MYH10: variants seen among roughly 807,000 people sequenced by gnomAD.
The protein encoded by MYH10 is myosin-10.
Under a neutral mutation model 257.8 loss-of-function variants are expected in MYH10, and 55 were observed. The observed-to-expected ratio is 0.21, with a 90% CI of 0.17 to 0.27. The LOEUF is 0.27. Ranked by LOEUF, MYH10 falls within the 10% of genes least tolerant of loss-of-function variation. The pLI is 1.00. For synonymous variants in MYH10, 854 were observed against 921.7 expected (o/e 0.93, Z 1.33); for missense variants, 1,631 against 2,500.6 (o/e 0.65, Z 7.42).
intron 9 of MYH10, among the ~76,000 whole-genome samples, chr17:8,551,010 C>CCAAGG (rs2082623446): frequency 6.6e-6 from 1 of 151,150 alleles, no homozygotes; most frequent in Non-Finnish European, 1.5e-5. Context: ...CTGCGGAAGG[C>CCAAGG]CGCAGGGTCC....
At chr17:8,622,153 T>C (rs190166886) in intron 2 of MYH10, among the ~76,000 whole-genome samples, 1 of 152,340 alleles carries the variant, frequency 6.6e-6, no homozygotes, top group East Asian at 1.9e-4. Flanking sequence ...TCATCGTCAG[T>C]TTAAGTCCCA....
intron 3 of MYH10, among the ~76,000 whole-genome samples, chr17:8,591,653 C>T (rs1263444992): frequency 6.6e-6 from 1 of 152,020 alleles, no homozygotes; most frequent in Non-Finnish European, 1.5e-5. Flanking sequence ...CGAATTGCCT[C>T]CTAATTCATT....
At chr17:8,514,796 C>T (rs762074388) in intron 21 of MYH10, among the ~76,000 whole-genome samples, 57 of 152,200 alleles carry the variant, frequency 3.7e-4, no homozygotes, top group Middle Eastern at 3.2e-3. Flanking sequence ...TATCCCACCA[C>T]GCTACCGAAG....
At chr17:8,589,400 C>T (rs2084035482) in intron 3 of MYH10, among the ~76,000 whole-genome samples, 1 of 152,162 alleles carries the variant, frequency 6.6e-6, no homozygotes, top group Non-Finnish European at 1.5e-5. Context: ...TTCTCAAACC[C>T]TGCCGCATAC....
Position 8,552,283 on chromosome 17 carries a change from T to C in MYH10, c.821-139A>G. On this transcript the variant is annotated intron_variant, in intron 8 of 42. Coordinates refer to ENST00000360416, the MANE Select transcript of MYH10 (RefSeq NM_001256012.3). The surrounding 1 kb of genome is among the most constrained non-coding windows in gnomAD (Gnocchi z 4.8). ...ATATAAACTATCCTGCAATGAACTA[T>C]TCTAAATGACTGTCTTCCATCTGTG... 2.4e-6 allele frequency: 1 copy of C among 418,222 alleles called. No homozygotes were observed. Among genetic ancestry groups the C allele is most frequent in the Non-Finnish European group, 4.2e-6 (1 of 240,320 alleles). The allele number at this position is 418,222 out of a possible 1,614,324, so 25.9% of individuals were successfully genotyped here. A position where few individuals can be genotyped will look rare whatever the true frequency, so the allele number is the denominator to read the frequency against.
At chr17:8,606,314 C>T (rs1035674702) in intron 2 of MYH10, among the ~76,000 whole-genome samples, 1 of 152,200 alleles carries the variant, frequency 6.6e-6, no homozygotes, top group African/African-American at 2.4e-5. Flanking sequence ...AAAACAAGAG[C>T]AGTCAGAACC....
chr17:8,499,789 G>A (rs1462635123), intron 29 of MYH10, among the ~76,000 whole-genome samples: 2 of 152,190 alleles, frequency 1.3e-5, no homozygotes, highest in Non-Finnish European at 2.9e-5. Flanking sequence ...GTATAAAAAA[G>A]TGTTGTTAGT....
At chr17:8,548,259 A>G (rs2082508064) in intron 11 of MYH10, 54 bp downstream of exon 11, 2 of 1,403,720 alleles carry the variant, frequency 1.4e-6, no homozygotes, top group Non-Finnish European at 2.0e-6. Context: ...ACACCTTCTT[A>G]GAGAGCACAA....
chr17:8,538,909 T>G (rs1048318013), intron 14 of MYH10, among the ~76,000 whole-genome samples: 2 of 152,170 alleles, frequency 1.3e-5, no homozygotes, highest in Non-Finnish European at 2.9e-5. Context: ...TGTTGAGAGA[T>G]AAGACCTTTG....
chr17:8,492,530 G>C (rs916894791), intron 33 of MYH10, 21 bp from the exon 34 acceptor site: 1 of 1,589,098 alleles, frequency 6.3e-7, no homozygotes, highest in Non-Finnish European at 8.6e-7. Flanking sequence ...GGGGATGGGG[G>C]AATACGAAAA....
intron 4 of MYH10, among the ~76,000 whole-genome samples, chr17:8,588,641 A>T (rs4486969): frequency 6.6e-6 from 1 of 151,882 alleles, no homozygotes. Flanking sequence ...CTCTTCCTCC[A>T]CTCCATTTTC....
At chr17:8,600,807 C>T (rs2152070080) in intron 3 of MYH10, among the ~76,000 whole-genome samples, 1 of 152,196 alleles carries the variant, frequency 6.6e-6, no homozygotes, top group Non-Finnish European at 1.5e-5. Context: ...CCCTATCTCC[C>T]AGTGCATAGG....
chr17:8,480,647 T>G (rs1157981127), intron 38 of MYH10, 122 bp from the exon 39 acceptor site: 4 of 1,345,984 alleles, frequency 3.0e-6, no homozygotes, highest in Non-Finnish European at 4.1e-6. Context: ...AATTTTCTCT[T>G]TCCCCTGCAC....
chr17:8,537,378 A>G (rs2082172177), intron 14 of MYH10, among the ~76,000 whole-genome samples: 1 of 152,226 alleles, frequency 6.6e-6, no homozygotes, highest in South Asian at 2.1e-4. Context: ...AATATAAATG[A>G]AACAGTGTAA....
intron 3 of MYH10, among the ~76,000 whole-genome samples, chr17:8,604,109 T>C (rs905831823): frequency 6.6e-6 from 1 of 152,186 alleles, no homozygotes; most frequent in African/African-American, 2.4e-5. Flanking sequence ...TTATGCTTTT[T>C]ATTAAAACTT....
Position 8,506,359 on chromosome 17 carries a change from C to A in MYH10, c.3345G>T (p.Gln1115His). Residue 1115 changes from glutamine to histidine, a missense_variant, in exon 27 of 43, where the codon CAG (glutamine) becomes CAT (histidine). Around this residue, in one of 11 missense-constraint regions of MYH10, gnomAD observed 169 missense variants for 249.8 expected, o/e 0.68. Transcript: ENST00000360416. The surrounding 1 kb of genome is among the most constrained non-coding windows in gnomAD (Gnocchi z 5.0). ...LQAQIDELKL[Q>H]LAKKEEELQG... ...GCAGCTCCTCCTCCTTCTTGGCCAGCTGCAGCTTGAGCTCATCAATCTGCG... is the reference window on the plus strand; with the variant it reads ...GCAGCTCCTCCTCCTTCTTGGCCAGATGCAGCTTGAGCTCATCAATCTGCG... 1 of 1,607,734 alleles carries A rather than the reference C, an allele frequency of 6.2e-7. No homozygotes were observed. The highest frequency in any genetic ancestry group is 2.2e-5 in the East Asian group (1 of 44,658).
chr17:8,623,482 G>C (rs748647410), intron 1 of MYH10: 4 of 338,006 alleles, frequency 1.2e-5, no homozygotes, highest in Non-Finnish European at 2.1e-5. Context: ...TTGTCTGATG[G>C]GTTTGCCCTC....
chr17:8,579,799 T>C lies in MYH10; in HGVS notation c.531-2461A>G, dbSNP rs111709308. On this transcript the variant is annotated intron_variant, in intron 4 of 42. Transcript: ENST00000360416. ...CATCTGTATTATTAAATCCATCTGT[T>C]GTTTTCTTTTACAAGTTTGATAGCT... Among the ~76,000 whole-genome samples, 553 of 152,320 alleles carry C rather than the reference T, an allele frequency of 3.6e-3. 6 individuals carry two copies. The highest frequency in any genetic ancestry group is 0.012 in the African/African-American group (487 of 41,562).
intron 36 of MYH10, among the ~76,000 whole-genome samples, chr17:8,486,943 C>T (rs781758230): frequency 3.3e-5 from 5 of 152,166 alleles, no homozygotes; most frequent in African/African-American, 9.7e-5. Context: ...TCATCATTAA[C>T]GGACCAGTTC....
Sources: allele counts gnomAD v4.1 joint callset (sites outside exome capture counted in the v4.1 genomes callset), GRCh38; gene constraint gnomAD v4.1.1; regional missense constraint gnomAD v4.1.1; non-coding constraint Gnocchi (gnomAD v3.1); transcripts MANE v1.5; gene names NCBI Gene and HGNC (gene_info 2026-07-23, HGNC 2026-07-21).